Variants in MCC observed in about 807,000 individuals in gnomAD.
The protein encoded by MCC is MCC regulator of Wnt signaling pathway.
A neutral mutation model predicts 116.2 loss-of-function variants in MCC; 90 were observed. The ratio of observed to expected loss-of-function variants is 0.77; its 90% CI spans 0.65 to 0.92. The LOEUF (loss-of-function observed/expected upper bound fraction) is 0.92. Among genes scored for constraint, MCC ranks in the 40% least tolerant of loss-of-function variants. The probability of loss-of-function intolerance (pLI) is 0.00; values close to 1 mark genes in which losing one functional copy is unlikely to be tolerated. For synonymous variants in MCC, 578 were observed against 510.5 expected (o/e 1.13, Z -1.78); for missense variants, 1,516 against 1,312.2 (o/e 1.16, Z -2.40).
intron 3 of MCC, among the ~76,000 whole-genome samples, chr5:113,205,960 T>G (rs1762895950): frequency 6.6e-6 from 1 of 152,226 alleles, no homozygotes. Context: ...GTTGCTTCAC[T>G]GCCTAGCCCC....
At chr5:113,458,312 G>T (rs1457387119) in intron 1 of MCC, among the ~76,000 whole-genome samples, 1 of 151,772 alleles carries the variant, frequency 6.6e-6, no homozygotes, top group African/African-American at 2.4e-5. Context: ...CCGGGAGGAA[G>T]GAACAAACTC....
At chr5:113,381,203 G>T (rs1464008676) in intron 2 of MCC, among the ~76,000 whole-genome samples, 1 of 152,174 alleles carries the variant, frequency 6.6e-6, no homozygotes, top group Non-Finnish European at 1.5e-5. Context: ...TTTTGCACGC[G>T]AGACAGTGGG....
chr5:113,166,984 C>T (rs542395002), intron 3 of MCC, among the ~76,000 whole-genome samples: 1 of 152,252 alleles, frequency 6.6e-6, no homozygotes, highest in South Asian at 2.1e-4. Flanking sequence ...TTACAAGGTA[C>T]AGCGATGGCT....
At chr5:113,422,488 A>G (rs1221069183) in intron 1 of MCC, among the ~76,000 whole-genome samples, 1 of 152,242 alleles carries the variant, frequency 6.6e-6, no homozygotes, top group Non-Finnish European at 1.5e-5. Flanking sequence ...GTTATGTTTA[A>G]TAATGGCTCA....
chr5:113,335,183 T>A (rs1295779313), intron 3 of MCC, among the ~76,000 whole-genome samples: 1 of 151,680 alleles, frequency 6.6e-6, no homozygotes, highest in Non-Finnish European at 1.5e-5. Context: ...GTGTTAAGAC[T>A]GCAGAAGGAG....
intron 1 of MCC, among the ~76,000 whole-genome samples, chr5:113,393,814 C>G (rs184505456): frequency 4.3e-4 from 66 of 152,316 alleles, no homozygotes; most frequent in African/African-American, 1.3e-3. Context: ...ACTCTTCCTT[C>G]AGTCTGTTAA....
At chr5:113,131,146 T>G (rs1482110225) in intron 5 of MCC, among the ~76,000 whole-genome samples, 1 of 152,210 alleles carries the variant, frequency 6.6e-6, no homozygotes, top group Non-Finnish European at 1.5e-5. Context: ...GAACAACTCA[T>G]GAGACTTGGT....
intron 2 of MCC, among the ~76,000 whole-genome samples, chr5:113,354,340 C>T (rs945933155): frequency 2.6e-5 from 4 of 152,162 alleles, no homozygotes; most frequent in African/African-American, 9.7e-5. Flanking sequence ...AGGGGCAAAA[C>T]TGGAAACATC....
At chr5:113,433,445 C>A (rs1039641575) in intron 1 of MCC, 20 of 606,290 alleles carry the variant, frequency 3.3e-5, no homozygotes, top group Non-Finnish European at 5.7e-5. Flanking sequence ...CCGTTGCGGC[C>A]AGTGGGGACC....
At chr5:113,327,561 A>AAAAAAAATATATATAT (rs1480996383) in intron 3 of MCC, among the ~76,000 whole-genome samples, 5 of 80,580 alleles carry the variant, frequency 6.2e-5, no homozygotes, top group Admixed American at 1.3e-4. Flanking sequence ...AAAAAAAAAA[A>AAAAAAAATATATATAT]ATATATATAT....
intron 11 of MCC, among the ~76,000 whole-genome samples, chr5:113,075,242 G>A (rs772652273): frequency 6.6e-6 from 1 of 152,206 alleles, no homozygotes; most frequent in Non-Finnish European, 1.5e-5. Context: ...CGCCACGCTC[G>A]AATTCTCACT....
chr5:113,284,077 A>C (rs1273899860), intron 3 of MCC, among the ~76,000 whole-genome samples: 3 of 152,202 alleles, frequency 2.0e-5, no homozygotes, highest in African/African-American at 7.2e-5. Context: ...GTGTTAATTG[A>C]CTTATGTTAT....
intron 3 of MCC, among the ~76,000 whole-genome samples, chr5:113,212,328 A>G (rs1763163711): frequency 6.6e-6 from 1 of 152,148 alleles, no homozygotes; most frequent in Admixed American, 6.5e-5. Flanking sequence ...TTGAATCCCT[A>G]GATATTTGAA....
intron 1 of MCC, among the ~76,000 whole-genome samples, chr5:113,471,823 C>A (rs568501988): frequency 2.6e-4 from 40 of 151,192 alleles, no homozygotes; most frequent in African/African-American, 9.5e-4. Flanking sequence ...AGCTTCCCAG[C>A]CGCTTTGTTT....
chr5:113,051,750 CAACA>C (rs1048748292), intron 15 of MCC, among the ~76,000 whole-genome samples: 16 of 150,728 alleles, frequency 1.1e-4, no homozygotes, highest in African/African-American at 3.7e-4. Flanking sequence ...AAACAAACAA[CAACA>C]AAAAGAAGAA....
intron 14 of MCC, among the ~76,000 whole-genome samples, chr5:113,058,317 C>T (rs1240621265): frequency 6.6e-6 from 1 of 152,172 alleles, no homozygotes; most frequent in Non-Finnish European, 1.5e-5. Flanking sequence ...AGGACTGGTC[C>T]ACCCCAGCAG....
At chr5:113,413,183 T>C (rs1476109396) in intron 1 of MCC, among the ~76,000 whole-genome samples, 3 of 152,188 alleles carry the variant, frequency 2.0e-5, no homozygotes, top group Admixed American at 2.0e-4. Context: ...CAGTATTTTA[T>C]TGAGGATTTT....
chr5:113,075,337 G>A (rs114236244), intron 11 of MCC, among the ~76,000 whole-genome samples: 8,189 of 152,162 alleles, frequency 0.054, 279 homozygotes, highest in East Asian at 0.11. Flanking sequence ...GTGGGTTCCC[G>A]TGCATCCCAA....
intron 1 of MCC, among the ~76,000 whole-genome samples, chr5:113,392,944 T>C (rs1367162191): frequency 6.6e-6 from 1 of 152,134 alleles, no homozygotes; most frequent in African/African-American, 2.4e-5. Context: ...ATCTACAATG[T>C]ATCATCATAA....
Sources: allele counts gnomAD v4.1 joint callset (sites outside exome capture counted in the v4.1 genomes callset), GRCh38; gene constraint gnomAD v4.1.1; transcripts MANE v1.5; gene names NCBI Gene and HGNC (gene_info 2026-07-23, HGNC 2026-07-21).